CPEB3: variants seen among roughly 807,000 people sequenced by gnomAD.
CPEB3 encodes the protein cytoplasmic polyadenylation element binding protein 3.
In CPEB3, 20 loss-of-function variants were observed where a neutral mutation model predicts 67.2. The ratio of observed to expected loss-of-function variants is 0.30; its 90% CI spans 0.21 to 0.43. The LOEUF (loss-of-function observed/expected upper bound fraction) is 0.43, where lower values mean the gene tolerates loss of function less well. Among genes scored for constraint, CPEB3 ranks in the 20% least tolerant of loss-of-function variants. The pLI is 1.00. For missense variants in CPEB3, 746 were observed against 968.6 expected, an observed-to-expected ratio of 0.77 and a Z score of 3.05; for synonymous variants, 376 against 393.1, an observed-to-expected ratio of 0.96 and a Z score of 0.51.
chr10:92,261,433 T>C (rs1590564160), intron 1 of CPEB3, among the ~76,000 whole-genome samples: 1 of 151,910 alleles, frequency 6.6e-6, no homozygotes. Context: ...AGGGGTCCCT[T>C]TTTCTGTTTT....
At chr10:92,162,942 T>C (rs1375740337) in intron 4 of CPEB3, among the ~76,000 whole-genome samples, 5 of 152,142 alleles carry the variant, frequency 3.3e-5, no homozygotes, top group African/African-American at 4.8e-5. Context: ...CACACTTGCA[T>C]AGCTTCCCCA....
intron 2 of CPEB3, among the ~76,000 whole-genome samples, chr10:92,232,626 C>T (rs1348126696): frequency 1.3e-5 from 2 of 151,754 alleles, no homozygotes; most frequent in Non-Finnish European, 2.9e-5. Context: ...GGCATGGTGG[C>T]AGGCGCCTGT....
At chr10:92,162,047 T>C (rs929250395) in intron 4 of CPEB3, among the ~76,000 whole-genome samples, 3 of 152,222 alleles carry the variant, frequency 2.0e-5, no homozygotes, top group Admixed American at 6.5e-5. Context: ...ATACCAGATA[T>C]AACAAGATAC....
chr10:92,070,373 T>C (rs1842707577), intron 9 of CPEB3, among the ~76,000 whole-genome samples: 1 of 152,174 alleles, frequency 6.6e-6, no homozygotes, highest in Non-Finnish European at 1.5e-5. Context: ...AGGAGACTCA[T>C]GTTTTATGGA....
chr10:92,059,190 G>T (rs1225105949), intron 9 of CPEB3, among the ~76,000 whole-genome samples: 1 of 151,870 alleles, frequency 6.6e-6, no homozygotes, highest in African/African-American at 2.4e-5. Context: ...GCCAGGCATG[G>T]TAGCACATGC....
At chr10:92,170,141 G>T (rs1275632757) in intron 4 of CPEB3, among the ~76,000 whole-genome samples, 5 of 152,152 alleles carry the variant, frequency 3.3e-5, no homozygotes, top group Admixed American at 6.5e-5. Flanking sequence ...GAAACCCCTA[G>T]TCCACATTGT....
At chr10:92,100,623 G>T (rs1023077657) in intron 7 of CPEB3, among the ~76,000 whole-genome samples, 1 of 149,940 alleles carries the variant, frequency 6.7e-6, no homozygotes, top group South Asian at 2.1e-4. Context: ...ACAGAGTCTC[G>T]CTCTGTAGCC....
intron 6 of CPEB3, among the ~76,000 whole-genome samples, chr10:92,127,041 A>C (rs1845635449): frequency 2.0e-5 from 3 of 152,226 alleles, no homozygotes; most frequent in Non-Finnish European, 4.4e-5. Context: ...AATATAAAAA[A>C]ATTCCCTGCA....
At chr10:92,104,914 T>C (rs958578561) in intron 7 of CPEB3, among the ~76,000 whole-genome samples, 1 of 152,146 alleles carries the variant, frequency 6.6e-6, no homozygotes, top group Non-Finnish European at 1.5e-5. Flanking sequence ...TTTTCTTTTT[T>C]TTAGAGAGAC....
At chr10:92,159,618 G>A (rs961797518) in intron 4 of CPEB3, among the ~76,000 whole-genome samples, 5 of 152,028 alleles carry the variant, frequency 3.3e-5, no homozygotes, top group African/African-American at 4.8e-5. Context: ...GTTGCAGTGA[G>A]CCGAGATCAT....
At chr10:92,142,029 C>A (rs1203929308) in intron 6 of CPEB3, among the ~76,000 whole-genome samples, 41 of 123,944 alleles carry the variant, frequency 3.3e-4, no homozygotes, top group South Asian at 5.6e-4. Context: ...AAAAAAAAAA[C>A]AAATAAAAAC....
chr10:92,064,791 C>T (rs1159377377), intron 9 of CPEB3, among the ~76,000 whole-genome samples: 1 of 152,160 alleles, frequency 6.6e-6, no homozygotes, highest in Non-Finnish European at 1.5e-5. Context: ...GAAGTAGAAA[C>T]TCCACCAACT....
chr10:92,278,279 A>C (rs180762044), intron 1 of CPEB3, among the ~76,000 whole-genome samples: 1 of 152,226 alleles, frequency 6.6e-6, no homozygotes, highest in Admixed American at 6.6e-5. Context: ...AAGAAGTCAG[A>C]TGGAATTTTG....
At chr10:92,137,235 T>C in intron 6 of CPEB3, 1 of 538,730 alleles carries the variant, frequency 1.9e-6, no homozygotes, top group South Asian at 2.2e-5. Context: ...ACTACATGGG[T>C]GCCTCCTGTC....
chr10:92,149,716 T>G lies in CPEB3; in HGVS notation c.1223-4631A>C, dbSNP rs192765642. ...CCTTGGAAATGAAACTGCTAAGAAC[T>G]AACACATAAATGATATTTCTCTAAC... On this transcript the variant is annotated intron_variant, in intron 4 of 9. Transcript: ENST00000265997. Among the ~76,000 whole-genome samples, 8 of 152,274 alleles carry G rather than the reference T, an allele frequency of 5.3e-5. No homozygotes were observed. The East Asian group carries it at 1.5e-3, about 29-fold the overall frequency.
At chr10:92,064,343 A>G (rs948234339) in intron 9 of CPEB3, among the ~76,000 whole-genome samples, 2 of 152,208 alleles carry the variant, frequency 1.3e-5, no homozygotes, top group African/African-American at 4.8e-5. Context: ...AGAGTAGGTG[A>G]GAAGTAGTAT....
chr10:92,086,827 A>T (rs1843395148), intron 8 of CPEB3, among the ~76,000 whole-genome samples: 1 of 152,216 alleles, frequency 6.6e-6, no homozygotes. Context: ...GCAAAGTTTG[A>T]CATCAGCTTT....
chr10:92,290,415 G>A (rs1206973012), intron 1 of CPEB3, among the ~76,000 whole-genome samples: 1 of 151,906 alleles, frequency 6.6e-6, no homozygotes, highest in African/African-American at 2.4e-5. Context: ...GTGACCAGCA[G>A]CAGAGAGAGA....
chr10:92,136,218 T>G (rs1846089334), intron 6 of CPEB3, among the ~76,000 whole-genome samples: 1 of 151,774 alleles, frequency 6.6e-6, no homozygotes, highest in Non-Finnish European at 1.5e-5. Flanking sequence ...AAAGAAATAC[T>G]AAGACAAACA....
Sources: allele counts gnomAD v4.1 joint callset (sites outside exome capture counted in the v4.1 genomes callset), GRCh38; gene constraint gnomAD v4.1.1; transcripts MANE v1.5; gene names NCBI Gene and HGNC (gene_info 2026-07-23, HGNC 2026-07-21).